GATAD2B: variants seen among roughly 807,000 people sequenced by gnomAD.
The protein encoded by GATAD2B is GATA zinc finger domain containing 2B, also known as transcriptional repressor p66-beta.
GATAD2B carries 8 observed loss-of-function variants against 64.3 expected under a neutral mutation model. That is an observed-to-expected ratio of 0.12 (90% CI 0.07 to 0.22). The LOEUF (loss-of-function observed/expected upper bound fraction) is 0.22, where lower values mean the gene tolerates loss of function less well. Ranked by LOEUF, GATAD2B falls within the 10% of genes least tolerant of loss-of-function variation. GATAD2B has a pLI of 1.00. For synonymous variants in GATAD2B, 281 were observed against 271.3 expected (o/e 1.04, Z -0.35); for missense variants, 453 against 752.0 (o/e 0.60, Z 4.65).
At chr1:153,886,117 C>A (rs554730176) in intron 1 of GATAD2B, among the ~76,000 whole-genome samples, 1 of 152,182 alleles carries the variant, frequency 6.6e-6, no homozygotes, top group East Asian at 1.9e-4. Flanking sequence ...CAAAAACAGT[C>A]GTTATCTTTG....
intron 1 of GATAD2B, among the ~76,000 whole-genome samples, chr1:153,908,917 C>A (rs1322768843): frequency 1.3e-5 from 2 of 152,118 alleles, no homozygotes; most frequent in East Asian, 3.9e-4. Flanking sequence ...CTGCCTCAGC[C>A]TCCCAAAGTG....
At chr1:153,833,811 C>CAAAACA (rs1675162372) in intron 1 of GATAD2B, among the ~76,000 whole-genome samples, 1 of 61,946 alleles carries the variant, frequency 1.6e-5, no homozygotes, top group Non-Finnish European at 3.2e-5. Context: ...ACTCAGTCTC[C>CAAAACA]AAAAAAAAAA....
intron 1 of GATAD2B, among the ~76,000 whole-genome samples, chr1:153,865,329 C>T (rs1277700046): frequency 6.6e-6 from 1 of 151,922 alleles, no homozygotes; most frequent in Non-Finnish European, 1.5e-5. Flanking sequence ...GACGTGGTAG[C>T]ACGTGCCTGT....
At chr1:153,922,277 G>T (rs1210879145) in intron 1 of GATAD2B, among the ~76,000 whole-genome samples, 1 of 150,424 alleles carries the variant, frequency 6.6e-6, no homozygotes, top group Admixed American at 6.6e-5. Flanking sequence ...ACCACTGGGG[G>T]TGGAGAGAGT....
chr1:153,918,306 T>G (rs1678333166), intron 1 of GATAD2B, among the ~76,000 whole-genome samples: 1 of 152,210 alleles, frequency 6.6e-6, no homozygotes, highest in African/African-American at 2.4e-5. Flanking sequence ...AACCCAGGAC[T>G]TCAAGGCTCT....
chr1:153,810,190 C>T lies in GATAD2B; in HGVS notation c.1769G>A (p.Ser590Asn). ...IPPRSISQSI[S>N]GQK ...GTGGAACAGGCGTTATTTCTGTCCA[C>T]TGATGGACTGCGATATAGACCGGGG... The change falls in exon 11 of 11, where the codon AGT (serine) becomes AAT (asparagine). Residue 590 changes from serine (S) to asparagine (N), a missense_variant. Physicochemically the swap from Ser to Asn is conservative, Grantham distance 46 (BLOSUM62 1). This residue lies in a region of GATAD2B where 160 missense variants were observed against 334.7 expected (regional missense o/e 0.48). Coordinates refer to ENST00000368655, the MANE Select transcript of GATAD2B (RefSeq NM_020699.4). 6.2e-7 allele frequency: 1 copy of T among 1,610,444 alleles called. No individual in the cohort carries two copies. Among genetic ancestry groups the T allele is most frequent in the Non-Finnish European group, 8.5e-7 (1 of 1,178,382 alleles).
At chr1:153,821,217 C>T (rs1323003183) in intron 2 of GATAD2B, among the ~76,000 whole-genome samples, 1 of 151,888 alleles carries the variant, frequency 6.6e-6, no homozygotes, top group African/African-American at 2.4e-5. Flanking sequence ...TTCCTGGGTT[C>T]AAGTGATCCT....
At position 153,816,258 on chromosome 1, in the gene GATAD2B, A is replaced by C. The variant is rs774097916; in HGVS notation, c.1216+15T>G. The C allele has an allele frequency of 3.7e-5, 59 of 1,576,530 alleles. No homozygotes were observed. The East Asian group carries it at 1.3e-3, about 34-fold the overall frequency. On this transcript the variant is annotated intron_variant, in intron 7 of 10. Coordinates refer to ENST00000368655, the MANE Select transcript of GATAD2B (RefSeq NM_020699.4). This position sits in a 1 kb window ranked among gnomAD's most constrained non-coding sequence, Gnocchi z 4.9. ...CCACTTGCTTAAATAGATTGATTAG[A>C]AGAAACAGCCTTACCTTGGCTGTCA...
intron 7 of GATAD2B, 35 bp from the exon 8 acceptor site, chr1:153,813,487 T>A (rs1481576278): frequency 7.2e-7 from 1 of 1,386,500 alleles, no homozygotes; most frequent in Non-Finnish European, 1.0e-6. Context: ...TGGCTTTACA[T>A]TTCCTATCTC....
At chr1:153,829,636 C>T (rs1675007939) in intron 1 of GATAD2B, among the ~76,000 whole-genome samples, 1 of 152,062 alleles carries the variant, frequency 6.6e-6, no homozygotes, top group African/African-American at 2.4e-5. Context: ...ACTTGGGAAG[C>T]TGAGGCAAAG....
chr1:153,821,034 G>C (rs1674666606), intron 2 of GATAD2B, among the ~76,000 whole-genome samples: 1 of 132,830 alleles, frequency 7.5e-6, no homozygotes, highest in Non-Finnish European at 1.5e-5. Flanking sequence ...CTATTGCCCA[G>C]GCTGGAGTGT....
intron 2 of GATAD2B, among the ~76,000 whole-genome samples, chr1:153,825,042 T>C (rs1674822378): frequency 6.6e-6 from 1 of 151,994 alleles, no homozygotes; most frequent in Non-Finnish European, 1.5e-5. Flanking sequence ...ACGGACATCA[T>C]GCCACACTGC....
rs1553187170 is a variant in GATAD2B, at chr1:153,810,281, T to C, written c.1678A>G (p.Ile560Val). 1 of 1,613,362 alleles carries C rather than the reference T, an allele frequency of 6.2e-7. No individual in the cohort carries two copies. The change falls in exon 11 of 11, where the codon ATC becomes GTC. Residue 560 changes from isoleucine (I) to valine (V), a missense_variant. This residue lies in a region of GATAD2B where 160 missense variants were observed against 334.7 expected (regional missense o/e 0.48). Coordinates refer to ENST00000368655, the MANE Select transcript of GATAD2B (RefSeq NM_020699.4). ...GVNIAYLNTG[I>V]GGHKGPSLAD... ...AAACTGGGGCCTTTGTGTCCTCCGA[T>C]GCCAGTATTCAAGTATGCAATGTTG...
Position 153,807,996 on chromosome 1 carries a change from A to G in GATAD2B, c.*2181T>C, listed in dbSNP as rs1674160902. On this transcript the variant is annotated 3_prime_UTR_variant, in exon 11 of 11. Transcript: ENST00000368655. ...ATTTTGTGGAAGAGAGAAAAGCAAA[A>G]CCAAACAATTTATCCAGTGCTTTCA... is the stretch of plus-strand genomic sequence containing the variant. The G allele has an allele frequency of 6.6e-6, 1 of 152,484 alleles. No individual in the cohort carries two copies. Among genetic ancestry groups the G allele is most frequent in the African/African-American group, 2.4e-5 (1 of 41,394 alleles). The allele number at this position is 152,484 out of a possible 1,614,324, so 9.4% of individuals were successfully genotyped here.
chr1:153,844,880 TG>T lies in GATAD2B; in HGVS notation c.-1-16533del, dbSNP rs797002576. Among the ~76,000 whole-genome samples the T allele has an allele frequency of 1.1e-4, 17 of 149,120 alleles. No individual in the cohort carries two copies. In the South Asian group the frequency reaches 3.4e-3, roughly 30 times the overall value. ...ATACATATGTAACTAACCTGCACAA[TG>T]TGCACATGTACCCTAAAACTTAAAG... is the stretch of plus-strand genomic sequence containing the variant. On this transcript the variant is annotated intron_variant, in intron 1 of 10. Coordinates refer to ENST00000368655, the MANE Select transcript of GATAD2B (RefSeq NM_020699.4).
intron 1 of GATAD2B, among the ~76,000 whole-genome samples, chr1:153,862,465 TA>T (rs1029437615): frequency 6.6e-6 from 1 of 151,996 alleles, no homozygotes; most frequent in Non-Finnish European, 1.5e-5. Flanking sequence ...AACATCCCTA[TA>T]AAGATGAGCA....
At chr1:153,879,767 A>C (rs949568047) in intron 1 of GATAD2B, among the ~76,000 whole-genome samples, 4 of 151,122 alleles carry the variant, frequency 2.6e-5, no homozygotes, top group Non-Finnish European at 5.9e-5. Context: ...GTCTACAAAA[A>C]AAAAAAAAAA....
intron 1 of GATAD2B, among the ~76,000 whole-genome samples, chr1:153,907,858 G>A (rs1209693581): frequency 6.6e-6 from 1 of 152,100 alleles, no homozygotes; most frequent in African/African-American, 2.4e-5. Context: ...AGGCTGGAGT[G>A]CAGTGGCATG....
At chr1:153,904,408 G>A (rs1258033460) in intron 1 of GATAD2B, among the ~76,000 whole-genome samples, 1 of 152,010 alleles carries the variant, frequency 6.6e-6, no homozygotes, top group Non-Finnish European at 1.5e-5. Flanking sequence ...AAAAGACAGT[G>A]ACAAGAAAGT....
Sources: gnomAD v4.1 joint callset for allele counts (sites outside exome capture counted in the v4.1 genomes callset) on GRCh38, gnomAD v4.1.1 for gene constraint, gnomAD v4.1.1 regional missense constraint, Gnocchi (gnomAD v3.1) non-coding constraint, MANE v1.5 for transcripts, NCBI Gene and HGNC (gene_info 2026-07-23, HGNC 2026-07-21) for gene names.